ALKBH5: variants seen among roughly 807,000 people sequenced by gnomAD.
ALKBH5 encodes the protein alkB homolog 5, RNA demethylase.
A neutral mutation model predicts 32.1 loss-of-function variants in ALKBH5; 2 were observed. The observed-to-expected ratio is 0.06, with a 90% CI of 0.03 to 0.20. The LOEUF (loss-of-function observed/expected upper bound fraction) is 0.20, where lower values mean the gene tolerates loss of function less well. ALKBH5 is among the 10% of genes least tolerant of loss of function. The pLI, the probability that ALKBH5 is intolerant of heterozygous loss-of-function variation, is 1.00. For synonymous variants in ALKBH5, 300 were observed against 231.7 expected, an observed-to-expected ratio of 1.29 and a Z score of -2.68; for missense variants, 352 against 559.5, an observed-to-expected ratio of 0.63 and a Z score of 3.74.
chr17:18,187,644 C>T (rs976913115), intron 1 of ALKBH5, among the ~76,000 whole-genome samples: 3 of 152,306 alleles, frequency 2.0e-5, no homozygotes, highest in East Asian at 1.9e-4. Context: ...TCTTCTTGCA[C>T]CTGCATACTT....
intron 1 of ALKBH5, among the ~76,000 whole-genome samples, chr17:18,194,356 G>A (rs1353023759): frequency 6.6e-6 from 1 of 152,176 alleles, no homozygotes; most frequent in Non-Finnish European, 1.5e-5. Flanking sequence ...GTTTCGCCAT[G>A]TTGGCCAGGC....
intron 1 of ALKBH5, among the ~76,000 whole-genome samples, chr17:18,189,169 A>T (rs2047158412): frequency 6.6e-6 from 1 of 152,194 alleles, no homozygotes; most frequent in Admixed American, 6.5e-5. Flanking sequence ...CGAGGTCAGG[A>T]CATCGAGACC....
intron 1 of ALKBH5, among the ~76,000 whole-genome samples, chr17:18,190,190 A>G (rs1367624695): frequency 1.3e-5 from 2 of 152,248 alleles, no homozygotes; most frequent in African/African-American, 4.8e-5. Flanking sequence ...GAAATGTGTC[A>G]TAACAACTCA....
chr17:18,203,041 C>G (rs1833716251), intron 2 of ALKBH5, among the ~76,000 whole-genome samples: 1 of 149,342 alleles, frequency 6.7e-6, no homozygotes, highest in Non-Finnish European at 1.5e-5. Flanking sequence ...CCACTGCACT[C>G]CAGCCTGGAG....
At chr17:18,195,521 G>A (rs891576594) in intron 2 of ALKBH5, among the ~76,000 whole-genome samples, 2 of 152,188 alleles carry the variant, frequency 1.3e-5, no homozygotes, top group African/African-American at 2.4e-5. Flanking sequence ...ATCATGGCTT[G>A]TGGCTCTTCT....
At chr17:18,186,438 C>T (rs2142467849) in intron 1 of ALKBH5, among the ~76,000 whole-genome samples, 1 of 152,294 alleles carries the variant, frequency 6.6e-6, no homozygotes, top group South Asian at 2.1e-4. Context: ...AATTACCTCA[C>T]ACAAGGACCA....
Position 18,184,754 on chromosome 17 carries a change from C to T in ALKBH5, c.511C>T (p.Leu171=), listed in dbSNP as rs746623014. The part of the protein sequence containing the change: ...VDEIPEWVHQ[L]VIQKLVEHRV... ...CGAGATCCCCGAGTGGGTGCACCAG[C>T]TGGTGATCCAAAAGCTGGTGGAGCA... is the stretch of plus-strand genomic sequence containing the variant. Residue 171 remains leucine (L), a synonymous_variant, in exon 1 of 4, where the codon CTG becomes TTG. Transcript: ENST00000399138. 5.0e-6 allele frequency: 8 copies of T among 1,613,752 alleles called. No homozygotes were observed. The South Asian group carries it at 8.8e-5, about 18-fold the overall frequency.
At chr17:18,201,298 T>G (rs1010266743) in intron 2 of ALKBH5, among the ~76,000 whole-genome samples, 14 of 152,242 alleles carry the variant, frequency 9.2e-5, no homozygotes, top group African/African-American at 3.4e-4. Flanking sequence ...CTGACTGTTC[T>G]GATGTGTCTG....
chr17:18,207,114 G>C, intron 3 of ALKBH5, 144 bp downstream of exon 3: 1 of 1,158,634 alleles, frequency 8.6e-7, no homozygotes, highest in South Asian at 1.5e-5. Flanking sequence ...TGGGTTGGTG[G>C]CATTGGTGAC....
At chr17:18,185,908 C>T (rs1332854529) in intron 1 of ALKBH5, among the ~76,000 whole-genome samples, 1 of 152,180 alleles carries the variant, frequency 6.6e-6, no homozygotes. Context: ...TTCAGTAATA[C>T]CCAAAACATC....
intron 1 of ALKBH5, among the ~76,000 whole-genome samples, chr17:18,190,945 C>T (rs1301730999): frequency 6.6e-6 from 1 of 152,160 alleles, no homozygotes; most frequent in Non-Finnish European, 1.5e-5. Context: ...CTGGTCAGTG[C>T]CTCTGGGGCT....
rs1597838654 is a variant in ALKBH5 at position 18,195,179 on chromosome 17, A to G, written c.851+144A>G. 2.0e-5 allele frequency: 13 copies of G among 643,200 alleles called. No homozygotes were observed. In the East Asian group the frequency reaches 3.4e-4, roughly 17 times the overall value. 39.8% of individuals were successfully genotyped at this position (643,200 alleles called of 1,614,324 possible). On this transcript the variant is annotated intron_variant, in intron 2 of 3. Transcript: ENST00000399138. ...ACTGTTAAGTTCTCTTTTTATTTGA[A>G]TCCTGTGAGGATAAAGTTGTTTTGT... is the stretch of plus-strand genomic sequence containing the variant.
chr17:18,189,355 C>T (rs780596425), intron 1 of ALKBH5, among the ~76,000 whole-genome samples: 4 of 152,114 alleles, frequency 2.6e-5, no homozygotes, highest in Admixed American at 6.6e-5. Flanking sequence ...GAACTCCAGC[C>T]TGGCAGCCTG....
chr17:18,199,180 G>T (rs1004791711), intron 2 of ALKBH5, among the ~76,000 whole-genome samples: 1 of 152,220 alleles, frequency 6.6e-6, no homozygotes, highest in Non-Finnish European at 1.5e-5. Context: ...CTACAGGCTA[G>T]TCGGCTCTTT....
In ALKBH5 at chr17:18,192,854, C is replaced by CTTTT. The variant is rs201150139; in HGVS notation, c.771-2081_771-2078dup. ...GTAGACATTCGTCCACTGTCTTTTT[C>CTTTT]TTTTTTTTTTTTTTTTTTTTTTTGA... On this transcript the variant is annotated intron_variant, in intron 1 of 3. Coordinates refer to ENST00000399138, the MANE Select transcript of ALKBH5 (RefSeq NM_017758.4). Among the ~76,000 whole-genome samples, 64 of 115,578 alleles carry CTTTT rather than the reference C, an allele frequency of 5.5e-4. 1 individual carries two copies. Among genetic ancestry groups the CTTTT allele is most frequent in the African/African-American group, 6.8e-4 (18 of 26,470 alleles). The allele number at this position is 115,578 out of a possible 152,430, so 75.8% of individuals were successfully genotyped here.
intron 2 of ALKBH5, among the ~76,000 whole-genome samples, chr17:18,195,429 T>C (rs571015291): frequency 6.6e-6 from 1 of 152,348 alleles, no homozygotes; most frequent in African/African-American, 2.4e-5. Context: ...GCTTTAAAAA[T>C]GCCTGGGTTT....
chr17:18,202,486 T>C (rs2047247801), intron 2 of ALKBH5, among the ~76,000 whole-genome samples: 1 of 151,990 alleles, frequency 6.6e-6, no homozygotes, highest in Non-Finnish European at 1.5e-5. Flanking sequence ...AGACCTTAGC[T>C]CTAGGGACCC....
intron 1 of ALKBH5, among the ~76,000 whole-genome samples, chr17:18,186,249 C>T (rs1463633256): frequency 6.6e-6 from 1 of 152,200 alleles, no homozygotes; most frequent in Non-Finnish European, 1.5e-5. Context: ...TAGAGGACAG[C>T]CTAGCTGTCA....
At chr17:18,191,035 A>G (rs2047171350) in intron 1 of ALKBH5, among the ~76,000 whole-genome samples, 1 of 152,230 alleles carries the variant, frequency 6.6e-6, no homozygotes, top group Non-Finnish European at 1.5e-5. Context: ...TTCCCTGTGA[A>G]AACAAAAAAG....
Sources: allele counts gnomAD v4.1 joint callset (sites outside exome capture counted in the v4.1 genomes callset), GRCh38; gene constraint gnomAD v4.1.1; transcripts MANE v1.5; gene names NCBI Gene and HGNC (gene_info 2026-07-23, HGNC 2026-07-21).